The following EXOC4 variants were observed in gnomAD, a reference collection of about 807,000 sequenced individuals.
EXOC4 encodes the protein SEC8-like 1.
Under a neutral mutation model 107.2 loss-of-function variants are expected in EXOC4, and 71 were observed. That is an observed-to-expected ratio of 0.66 (90% CI 0.55 to 0.81). The LOEUF (loss-of-function observed/expected upper bound fraction) is 0.81. Among genes scored for constraint, EXOC4 ranks in the 30% least tolerant of loss-of-function variants. The pLI, the probability that EXOC4 is intolerant of heterozygous loss-of-function variation, is 0.00. For synonymous variants in EXOC4, 456 were observed against 441.2 expected (o/e 1.03, Z -0.42); for missense variants, 1,108 against 1,189.6 (o/e 0.93, Z 1.01).
intron 10 of EXOC4, among the ~76,000 whole-genome samples, chr7:133,795,146 A>G (rs976661542): frequency 4.6e-5 from 7 of 152,200 alleles, no homozygotes; most frequent in African/African-American, 1.4e-4. Context: ...ATTACCCTCA[A>G]TAAATAAGAA....
intron 17 of EXOC4, among the ~76,000 whole-genome samples, chr7:134,035,720 C>A (rs775897602): frequency 3.2e-4 from 48 of 152,098 alleles, no homozygotes; most frequent in Non-Finnish European, 5.7e-4. Flanking sequence ...GAAGAACCCA[C>A]GTTCTTGCCA....
chr7:133,805,963 G>C, intron 10 of EXOC4, among the ~76,000 whole-genome samples: 1 of 152,200 alleles, frequency 6.6e-6, no homozygotes, highest in East Asian at 1.9e-4. Flanking sequence ...ATTAGTATGT[G>C]AGTGTTACAA....
intron 4 of EXOC4, among the ~76,000 whole-genome samples, chr7:133,309,327 G>T (rs1584798371): frequency 6.6e-6 from 1 of 152,160 alleles, no homozygotes; most frequent in East Asian, 1.9e-4. Context: ...GAAGACAATA[G>T]AACAAAATCT....
intron 7 of EXOC4, among the ~76,000 whole-genome samples, chr7:133,472,557 A>G (rs1191587483): frequency 6.6e-6 from 1 of 152,216 alleles, no homozygotes; most frequent in Non-Finnish European, 1.5e-5. Context: ...TCTTAGTGAA[A>G]TATGTGAATA....
At chr7:133,780,628 G>A (rs913003898) in intron 10 of EXOC4, among the ~76,000 whole-genome samples, 1 of 152,084 alleles carries the variant, frequency 6.6e-6, no homozygotes. Context: ...TCATTCTAGA[G>A]CATTACAGTG....
chr7:133,512,558 A>C (rs933567686), intron 9 of EXOC4, among the ~76,000 whole-genome samples: 1 of 152,154 alleles, frequency 6.6e-6, no homozygotes, highest in Non-Finnish European at 1.5e-5. Context: ...GGGCATGCCA[A>C]ACATAGGGAA....
chr7:133,708,531 A>T (rs962841408), intron 10 of EXOC4, among the ~76,000 whole-genome samples: 3 of 152,210 alleles, frequency 2.0e-5, no homozygotes, highest in Non-Finnish European at 4.4e-5. Flanking sequence ...AACAGACAAG[A>T]TTCCCTGCCG....
intron 9 of EXOC4, among the ~76,000 whole-genome samples, chr7:133,552,932 TAAAG>T (rs1800619950): frequency 6.6e-6 from 1 of 152,172 alleles, no homozygotes; most frequent in Non-Finnish European, 1.5e-5. Flanking sequence ...GGTGCATTAA[TAAAG>T]GAAGGAGGAG....
Position 133,817,745 on chromosome 7 carries a change from A to G in EXOC4, c.1734+201A>G, listed in dbSNP as rs573164964. 2.4e-3 allele frequency among the ~76,000 whole-genome samples: 353 copies of G among 150,084 alleles called. 2 individuals are homozygous for G. Among genetic ancestry groups the G allele is most frequent in the African/African-American group, 8.0e-3 (325 of 40,586 alleles). ...TCCTTAAGATCTTTAAGGAAAATTA[A>G]AAAAAAAAACGGTTAGCTTTGGATA... is the stretch of plus-strand genomic sequence containing the variant. On this transcript the variant is annotated intron_variant, in intron 11 of 17. Coordinates refer to ENST00000253861, the MANE Select transcript of EXOC4 (RefSeq NM_021807.4).
At chr7:133,472,435 A>C (rs1217759561) in intron 7 of EXOC4, among the ~76,000 whole-genome samples, 1 of 152,214 alleles carries the variant, frequency 6.6e-6, no homozygotes, top group Admixed American at 6.5e-5. Context: ...ATGGTTCTGA[A>C]GTTTTAAACC....
At chr7:133,602,322 G>A (rs1482111438) in intron 9 of EXOC4, among the ~76,000 whole-genome samples, 1 of 152,170 alleles carries the variant, frequency 6.6e-6, no homozygotes, top group Non-Finnish European at 1.5e-5. Context: ...TCATATCCTA[G>A]AATAACAGCA....
intron 9 of EXOC4, among the ~76,000 whole-genome samples, chr7:133,489,241 A>G (rs1234622718): frequency 2.0e-5 from 3 of 152,122 alleles, no homozygotes; most frequent in Admixed American, 2.0e-4. Context: ...AGATCCTAGT[A>G]ATGTTCTCTT....
At chr7:133,608,494 A>T (rs1802000773) in intron 9 of EXOC4, among the ~76,000 whole-genome samples, 1 of 147,136 alleles carries the variant, frequency 6.8e-6, no homozygotes, top group Non-Finnish European at 1.5e-5. Context: ...ACCCTAGTGG[A>T]TGTGGGGAAA....
chr7:133,548,230 C>T (rs755197035), intron 9 of EXOC4, among the ~76,000 whole-genome samples: 2 of 151,886 alleles, frequency 1.3e-5, no homozygotes, highest in African/African-American at 2.4e-5. Flanking sequence ...ACTCTTTGTC[C>T]GTTCAAATTT....
intron 11 of EXOC4, among the ~76,000 whole-genome samples, chr7:133,823,128 C>T (rs971313846): frequency 1.8e-4 from 27 of 152,222 alleles, no homozygotes; most frequent in Non-Finnish European, 3.7e-4. Flanking sequence ...TGTGCAAGTA[C>T]AAATTCTGGG....
chr7:133,813,458 G>A (rs933974341), intron 10 of EXOC4, among the ~76,000 whole-genome samples: 4 of 152,006 alleles, frequency 2.6e-5, no homozygotes, highest in South Asian at 2.1e-4. Context: ...AAAGAGTTTC[G>A]GTGTATTTAC....
intron 7 of EXOC4, among the ~76,000 whole-genome samples, chr7:133,460,848 T>G (rs1798576329): frequency 6.6e-6 from 1 of 152,196 alleles, no homozygotes; most frequent in Non-Finnish European, 1.5e-5. Flanking sequence ...AGTGGAAATA[T>G]CATTAGACAT....
At chr7:133,631,312 A>G (rs1563133418) in intron 10 of EXOC4, among the ~76,000 whole-genome samples, 1 of 152,082 alleles carries the variant, frequency 6.6e-6, no homozygotes, top group Non-Finnish European at 1.5e-5. Flanking sequence ...AATTGACCAG[A>G]TATAATATTA....
chr7:133,706,010 G>A (rs899620632), intron 10 of EXOC4, among the ~76,000 whole-genome samples: 8 of 152,190 alleles, frequency 5.3e-5, no homozygotes, highest in African/African-American at 1.9e-4. Context: ...GAAGCAGACA[G>A]CATTTAACTA....
Sources: gnomAD v4.1 joint callset for allele counts (sites outside exome capture counted in the v4.1 genomes callset) on GRCh38, gnomAD v4.1.1 for gene constraint, MANE v1.5 for transcripts, NCBI Gene and HGNC (gene_info 2026-07-23, HGNC 2026-07-21) for gene names.